The following ITGAD variants were observed in gnomAD, a reference collection of about 807,000 sequenced individuals.
ITGAD encodes the protein integrin alpha-D.
A neutral mutation model predicts 139.0 loss-of-function variants in ITGAD; 105 were observed. The ratio of observed to expected loss-of-function variants is 0.76; its 90% CI spans 0.65 to 0.89. The LOEUF (loss-of-function observed/expected upper bound fraction) is 0.89. Ranked by LOEUF, ITGAD falls within the 40% of genes least tolerant of loss-of-function variation. The pLI is 0.00. For synonymous variants in ITGAD, 569 were observed against 598.3 expected, an observed-to-expected ratio of 0.95 and a Z score of 0.71; for missense variants, 1,384 against 1,487.3, an observed-to-expected ratio of 0.93 and a Z score of 1.14.
chr16:31,409,154 G>T (rs930162061), intron 10 of ITGAD, among the ~76,000 whole-genome samples: 1 of 152,024 alleles, frequency 6.6e-6, no homozygotes, highest in Non-Finnish European at 1.5e-5. Context: ...AATTAGCCAG[G>T]TGTGGTGGCT....
rs759875796 is a variant in ITGAD at position 31,394,189 on chromosome 16, G to A, written c.32-47G>A. The A allele has an allele frequency of 5.8e-6, 7 of 1,205,988 alleles. No homozygotes were observed. In the East Asian group the frequency reaches 1.2e-4, roughly 20 times the overall value. The allele number at this position is 1,205,988 out of a possible 1,614,324, so 74.7% of individuals were successfully genotyped here. On this transcript the variant is annotated intron_variant, in intron 1 of 29. Coordinates refer to ENST00000389202, the MANE Select transcript of ITGAD (RefSeq NM_005353.3). Reference sequence around the variant, plus strand: ...AAGAGGCTGGGAGGTCCTAGGGATTGGGGCTTCTTTAACTCCCAGCCTCCC... The same window carrying A: ...AAGAGGCTGGGAGGTCCTAGGGATTAGGGCTTCTTTAACTCCCAGCCTCCC...
chr16:31,424,550 G>A lies in ITGAD; in HGVS notation c.3345G>A (p.Leu1115=), dbSNP rs1397056318. 6.2e-7 allele frequency: 1 copy of A among 1,613,428 alleles called. No individual in the cohort carries two copies. Among genetic ancestry groups the A allele is most frequent in the East Asian group, 2.2e-5 (1 of 44,882 alleles). ...MGSSVGALLL[L]ALITATLYKL... is the part of the protein sequence containing the mutation. The stretch of plus-strand genomic sequence containing the variant: ...GCTCTGTGGGGGCTCTGCTACTGCT[G>A]GCGCTCATCACAGCCACACTGTACA... Residue 1115 remains leucine, a synonymous_variant, in exon 29 of 30, where the codon CTG becomes CTA. Coordinates refer to ENST00000389202, the MANE Select transcript of ITGAD (RefSeq NM_005353.3).
rs1567355562 is a variant in ITGAD, at chr16:31,423,617, T to C, written c.3014T>C (p.Phe1005Ser). The C allele has an allele frequency of 6.2e-7, 1 of 1,614,054 alleles. No homozygotes were observed. The highest frequency in any genetic ancestry group is 8.5e-7 in the Non-Finnish European group (1 of 1,180,012). The change falls in exon 26 of 30, where the codon TTC becomes TCC. Residue 1005 changes from phenylalanine (F) to serine (S), a missense_variant. By Grantham distance (155) the Phe-to-Ser change is radical (BLOSUM62 -2). Transcript: ENST00000389202. ...SERKPPQHSD[F>S]LTQISRSPML... ...AGAAAACCTCCCCAGCATTCTGACT[T>C]CCTGACCCAGATTTCAAGAAGTCCC...
rs771710652 is a variant in ITGAD at position 31,393,407 on chromosome 16, G to A, written c.31+16G>A. The A allele has an allele frequency of 6.2e-7, 1 of 1,613,982 alleles. No individual in the cohort carries two copies. Among genetic ancestry groups the A allele is most frequent in the Admixed American group, 1.7e-5 (1 of 60,014 alleles). On this transcript the variant is annotated intron_variant, in intron 1 of 29. Transcript: ENST00000389202. ...CTTCTGAGTGGTAAGTGGGGCCAGG[G>A]TGCTGGGGAGAAGCTTGGAGGAGTT...
rs899213465 is a variant in ITGAD at position 31,393,476 on chromosome 16, C to A, written c.31+85C>A. ...GGAGGGCAGGCTGGGGGCTGGTGGT[C>A]GGCTCCAACCACTCTTATGAGGAGC... is the stretch of plus-strand genomic sequence containing the variant. On this transcript the variant is annotated intron_variant, in intron 1 of 29. Transcript: ENST00000389202. 2.8e-6 allele frequency: 4 copies of A among 1,424,470 alleles called. No homozygotes were observed. The South Asian group carries it at 3.4e-5, about 12-fold the overall frequency. 88.2% of individuals were successfully genotyped at this position (1,424,470 alleles called of 1,614,324 possible). A position where few individuals can be genotyped will look rare whatever the true frequency, so the allele number is the denominator to read the frequency against.
chr16:31,400,028 G>GGAGAACTC, intron 5 of ITGAD, among the ~76,000 whole-genome samples: 2 of 152,218 alleles, frequency 1.3e-5, no homozygotes, highest in African/African-American at 2.4e-5. Context: ...GAGACCAGGG[G>GGAGAACTC]ATACAATAAA....
intron 5 of ITGAD, among the ~76,000 whole-genome samples, chr16:31,400,723 GC>G (rs2081382957): frequency 6.6e-6 from 1 of 152,058 alleles, no homozygotes; most frequent in African/African-American, 2.4e-5. Flanking sequence ...TCCTGCCTCA[GC>G]CCCCCAAATA....
At chr16:31,412,798 C>T in intron 14 of ITGAD, 40 bp from the exon 15 acceptor site, 1 of 1,612,298 alleles carries the variant, frequency 6.2e-7, no homozygotes. Context: ...ACTTCTTCCC[C>T]CATCTTCCAG....
chr16:31,396,830 T>C (rs1462230678), intron 2 of ITGAD, among the ~76,000 whole-genome samples: 2 of 152,220 alleles, frequency 1.3e-5, no homozygotes, highest in Non-Finnish European at 2.9e-5. Flanking sequence ...TAGATATAGT[T>C]ATGGATCCTA....
intron 20 of ITGAD, 141 bp from the exon 21 acceptor site, chr16:31,417,934 T>G: frequency 1.5e-6 from 1 of 656,362 alleles, no homozygotes; most frequent in Non-Finnish European, 2.6e-6. Flanking sequence ...GTGACAAGAG[T>G]GAAATCCGTC....
chr16:31,410,599 G>C (rs2081666696), intron 11 of ITGAD, 75 bp downstream of exon 11: 1 of 1,599,422 alleles, frequency 6.3e-7, no homozygotes, highest in African/African-American at 1.3e-5. Flanking sequence ...CTGGGGAGGG[G>C]GGATGGGCGC....
intron 5 of ITGAD, among the ~76,000 whole-genome samples, chr16:31,400,192 G>A (rs561551129): frequency 6.6e-6 from 1 of 152,344 alleles, no homozygotes; most frequent in East Asian, 1.9e-4. Context: ...GGAGCTCCTG[G>A]GGGGATCTGC....
chr16:31,426,298 C>T lies in ITGAD; in HGVS notation c.*170C>T. ...GATTGTAATGTTTTTACATATCTGT[C>T]CATCTTTTTCAGCAATGACCCACTT... On this transcript the variant is annotated 3_prime_UTR_variant, in exon 30 of 30. Transcript: ENST00000389202. The T allele has an allele frequency of 1.8e-6, 1 of 550,466 alleles. No homozygotes were observed. Among genetic ancestry groups the T allele is most frequent in the East Asian group, 3.1e-5 (1 of 32,710 alleles). The allele number at this position is 550,466 out of a possible 1,614,324, so 34.1% of individuals were successfully genotyped here.
chr16:31,397,062 G>GTTTT (rs539015704), intron 2 of ITGAD, among the ~76,000 whole-genome samples: 9 of 100,806 alleles, frequency 8.9e-5, no homozygotes, highest in East Asian at 5.6e-4. Flanking sequence ...CTTTAAATAG[G>GTTTT]TTTTTTTTTT....
At chr16:31,424,054 A>G in intron 27 of ITGAD, 48 bp from the exon 28 acceptor site, 1 of 1,607,068 alleles carries the variant, frequency 6.2e-7, no homozygotes, top group Non-Finnish European at 8.5e-7. Flanking sequence ...CGAAGCTCTG[A>G]GCCTCCCCCA....
In ITGAD at chr16:31,397,404, G is replaced by A. The variant is rs145206324; in HGVS notation, c.183G>A (p.Thr61=). 8.3e-5 allele frequency: 133 copies of A among 1,604,622 alleles called. No homozygotes were observed. Among genetic ancestry groups the A allele is most frequent in the Non-Finnish European group, 1.1e-4 (127 of 1,176,148 alleles). ...APLEVVAANQ[T]GRLYDCAAAT... is the part of the protein sequence containing the mutation. ...TGGAGGTGGTGGCGGCCAACCAGAC[G>A]GGACGGCTGTATGACTGCGCAGCTG... The change falls in exon 3 of 30, where the codon ACG becomes ACA. Residue 61 remains threonine (T), a synonymous_variant. Coordinates refer to ENST00000389202, the MANE Select transcript of ITGAD (RefSeq NM_005353.3).
chr16:31,404,645 C>G (rs147076671), intron 7 of ITGAD: 76 of 152,350 alleles, frequency 5.0e-4, no homozygotes, highest in African/African-American at 1.7e-3. Context: ...CAGGGGTGAC[C>G]GAGTGGTTCT....
At chr16:31,418,255 C>T (rs1321669490) in intron 21 of ITGAD, 46 bp from the exon 22 acceptor site, 5 of 1,603,716 alleles carry the variant, frequency 3.1e-6, no homozygotes, top group Non-Finnish European at 4.3e-6. Context: ...CCTCACTCTG[C>T]CATGCCCTTC....
At position 31,426,268 on chromosome 16, in the gene ITGAD, A is replaced by C. The variant is rs1035233531; in HGVS notation, c.*140A>C. The C allele has an allele frequency of 4.9e-6, 3 of 606,240 alleles. No homozygotes were observed. Among genetic ancestry groups the C allele is most frequent in the Non-Finnish European group, 9.0e-6 (3 of 334,278 alleles). The allele number at this position is 606,240 out of a possible 1,614,324, so 37.6% of individuals were successfully genotyped here. On this transcript the variant is annotated 3_prime_UTR_variant, in exon 30 of 30. Transcript: ENST00000389202. ...AGGTGCTAAGCACCTTCTCGGAGAG[A>C]TAGAGATTGTAATGTTTTTACATAT...
Sources: allele counts gnomAD v4.1 joint callset (sites outside exome capture counted in the v4.1 genomes callset), GRCh38; gene constraint gnomAD v4.1.1; transcripts MANE v1.5; gene names NCBI Gene and HGNC (gene_info 2026-07-23, HGNC 2026-07-21).